The following ARL15 variants were observed in gnomAD, a reference collection of about 807,000 sequenced individuals.
The protein encoded by ARL15 is ADP-ribosylation factor-like protein 15.
ARL15 carries 19 observed loss-of-function variants against 25.2 expected under a neutral mutation model. The observed-to-expected ratio is 0.75, with a 90% confidence interval of 0.53 to 1.10. The LOEUF (loss-of-function observed/expected upper bound fraction) is 1.10, where lower values mean the gene tolerates loss of function less well. Ranked by LOEUF, ARL15 falls within the 50% of genes least tolerant of loss-of-function variation. The pLI is 0.00. For missense variants in ARL15, 220 were observed against 246.0 expected (o/e 0.89, Z 0.71); for synonymous variants, 94 against 86.8 (o/e 1.08, Z -0.46).
Position 54,221,825 on chromosome 5 carries a change from G to GCACACACA in ARL15, c.49-49905_49-49898dup, listed in dbSNP as rs3035310. ...TTTTAGGTTATTTGGCAAGAAACAT[G>GCACACACA]CACACACACACACACACACACACAC... On this transcript the variant is annotated intron_variant, in intron 1 of 4. Transcript: ENST00000504924. Among the ~76,000 whole-genome samples, 504 of 142,114 alleles carry GCACACACA rather than the reference G, an allele frequency of 3.5e-3. 1 individual carries two copies. Among genetic ancestry groups the GCACACACA allele is most frequent in the Non-Finnish European group, 4.0e-3 (260 of 64,878 alleles). The allele number at this position is 142,114 out of a possible 152,430, so 93.2% of individuals were successfully genotyped here.
chr5:54,042,488 G>A (rs1750372447), intron 4 of ARL15, among the ~76,000 whole-genome samples: 1 of 152,152 alleles, frequency 6.6e-6, no homozygotes, highest in South Asian at 2.1e-4. Flanking sequence ...CGTGGAGTCT[G>A]GCAGAGAAGG....
rs565412714 is a variant in ARL15 at position 53,887,298 on chromosome 5, G to C, written c.463-585C>G. The C allele has an allele frequency of 3.4e-5, 23 of 685,306 alleles. No individual in the cohort carries two copies. The East Asian group carries it at 6.0e-4, about 18-fold the overall frequency. The allele number at this position is 685,306 out of a possible 1,614,324, so 42.5% of individuals were successfully genotyped here. On this transcript the variant is annotated intron_variant, in intron 4 of 4. Coordinates refer to ENST00000504924, the MANE Select transcript of ARL15 (RefSeq NM_019087.3). ...GAGGATAGAAACTGCATGTATGTAT[G>C]TTTGTATGCATATACACACTTACAT... is the stretch of plus-strand genomic sequence containing the variant.
intron 4 of ARL15, among the ~76,000 whole-genome samples, chr5:53,986,157 G>C (rs1028679737): frequency 1.3e-5 from 2 of 151,982 alleles, no homozygotes; most frequent in Middle Eastern, 3.4e-3. Flanking sequence ...ACCTTCTTTC[G>C]GCCCTGACTC....
At chr5:54,022,094 A>G (rs1379993684) in intron 4 of ARL15, among the ~76,000 whole-genome samples, 1 of 152,120 alleles carries the variant, frequency 6.6e-6, no homozygotes, top group Non-Finnish European at 1.5e-5. Flanking sequence ...ACGAAGGGAA[A>G]CTCAGAGAAT....
At chr5:53,964,607 A>G (rs566686267) in intron 4 of ARL15, among the ~76,000 whole-genome samples, 15 of 152,172 alleles carry the variant, frequency 9.9e-5, no homozygotes, top group Admixed American at 4.6e-4. Flanking sequence ...TGATCCGCCC[A>G]CCTTGGCCTC....
chr5:54,119,100 G>T (rs1752996768), intron 3 of ARL15, among the ~76,000 whole-genome samples: 1 of 152,092 alleles, frequency 6.6e-6, no homozygotes, highest in Non-Finnish European at 1.5e-5. Flanking sequence ...TCACCTTCCA[G>T]CTGGATCAGT....
chr5:54,104,422 C>G (rs1189599473), intron 4 of ARL15, among the ~76,000 whole-genome samples: 1 of 152,086 alleles, frequency 6.6e-6, no homozygotes, highest in Non-Finnish European at 1.5e-5. Flanking sequence ...TTTCCTTCAT[C>G]TCTGTGACTT....
chr5:54,231,115 G>A (rs1484314874), intron 1 of ARL15, among the ~76,000 whole-genome samples: 1 of 149,322 alleles, frequency 6.7e-6, no homozygotes, highest in Admixed American at 6.6e-5. Context: ...GTTTCCACGT[G>A]GATATCCCAC....
At chr5:54,040,425 T>A (rs955941728) in intron 4 of ARL15, among the ~76,000 whole-genome samples, 1 of 152,148 alleles carries the variant, frequency 6.6e-6, no homozygotes, top group African/African-American at 2.4e-5. Context: ...AACCATAATT[T>A]TCAGAAAGAA....
intron 1 of ARL15, among the ~76,000 whole-genome samples, chr5:54,271,464 T>C (rs1239447738): frequency 6.6e-6 from 1 of 152,206 alleles, no homozygotes; most frequent in Admixed American, 6.5e-5. Context: ...AAATGCTATG[T>C]AAATAGTTAC....
At chr5:54,232,419 A>G (rs1407193167) in intron 1 of ARL15, among the ~76,000 whole-genome samples, 4 of 152,246 alleles carry the variant, frequency 2.6e-5, no homozygotes, top group African/African-American at 9.6e-5. Context: ...AGGAGAGACC[A>G]GAGTAAGCAA....
intron 1 of ARL15, among the ~76,000 whole-genome samples, chr5:54,261,979 T>G (rs933145221): frequency 3.3e-5 from 5 of 152,176 alleles, no homozygotes; most frequent in African/African-American, 9.7e-5. Flanking sequence ...ATAATGTATG[T>G]TTTCAATATA....
intron 1 of ARL15, among the ~76,000 whole-genome samples, chr5:54,265,089 C>CT (rs77775397): frequency 0.12 from 17,901 of 152,076 alleles, 1,344 homozygotes; most frequent in East Asian, 0.41. Flanking sequence ...CCAAGGTCAT[C>CT]TTTTTCAAGC....
intron 1 of ARL15, among the ~76,000 whole-genome samples, chr5:54,218,293 T>C (rs896011007): frequency 1.6e-4 from 24 of 152,166 alleles, no homozygotes; most frequent in African/African-American, 5.6e-4. Flanking sequence ...TAAAATATAG[T>C]GACCCACACA....
chr5:54,060,129 TAAAAAAAA>T (rs1165458695), intron 4 of ARL15, among the ~76,000 whole-genome samples: 971 of 77,582 alleles, frequency 0.013, 15 homozygotes, highest in African/African-American at 0.042. Flanking sequence ...ATCTGATGAC[TAAAAAAAA>T]AAAAAAAAAA....
chr5:54,246,672 C>T (rs1340192186), intron 1 of ARL15, among the ~76,000 whole-genome samples: 1 of 152,096 alleles, frequency 6.6e-6, no homozygotes, highest in Non-Finnish European at 1.5e-5. Flanking sequence ...GCCCCCTTCT[C>T]TCTATTCCTG....
rs552032840 is a variant in ARL15 at position 54,214,058 on chromosome 5, C to A, written c.49-42130G>T. Among the ~76,000 whole-genome samples, 320 of 149,960 alleles carry A rather than the reference C, an allele frequency of 2.1e-3. 1 individual carries two copies. The highest frequency in any genetic ancestry group is 7.6e-3 in the African/African-American group (310 of 40,702). On this transcript the variant is annotated intron_variant, in intron 1 of 4. Coordinates refer to ENST00000504924, the MANE Select transcript of ARL15 (RefSeq NM_019087.3). ...GAGTAATCAAATGATTACTGTATGG[C>A]AAGAGCAAAAAAGAAAGGAAGGAAA...
At chr5:53,942,222 G>A (rs1479299364) in intron 4 of ARL15, among the ~76,000 whole-genome samples, 2 of 152,128 alleles carry the variant, frequency 1.3e-5, no homozygotes, top group African/African-American at 2.4e-5. Context: ...GTGGGGAAGA[G>A]AGGGAAGGAT....
chr5:53,894,181 G>A lies in ARL15; in HGVS notation c.463-7468C>T, dbSNP rs72763117. ...TTCTCATAAGATGCTTCTTTCTTAA[G>A]GATACTAAAGTTCAGTGCAGCCTAC... On this transcript the variant is annotated intron_variant, in intron 4 of 4. Coordinates refer to ENST00000504924, the MANE Select transcript of ARL15 (RefSeq NM_019087.3). 9.3e-3 allele frequency among the ~76,000 whole-genome samples: 1,414 copies of A among 152,272 alleles called. 22 individuals are homozygous for A. Among genetic ancestry groups the A allele is most frequent in the Non-Finnish European group, 0.016 (1,091 of 68,018 alleles).
Sources: allele counts gnomAD v4.1 joint callset (sites outside exome capture counted in the v4.1 genomes callset), GRCh38; gene constraint gnomAD v4.1.1; transcripts MANE v1.5; gene names NCBI Gene and HGNC (gene_info 2026-07-23, HGNC 2026-07-21).